The following CEP250 variants were observed in gnomAD, a reference collection of about 807,000 sequenced individuals.
CEP250 encodes centrosome-associated protein CEP250.
A neutral mutation model predicts 315.7 loss-of-function variants in CEP250; 242 were observed. The observed-to-expected ratio is 0.77, with a 90% CI of 0.69 to 0.85. CEP250 has a LOEUF of 0.85. Among genes scored for constraint, CEP250 ranks in the 40% least tolerant of loss-of-function variants. CEP250 has a pLI of 0.00. For missense variants in CEP250, 2,515 were observed against 2,886.4 expected (o/e 0.87, Z 2.95); for synonymous variants, 1,088 against 1,175.0 (o/e 0.93, Z 1.51).
chr20:35,478,718 T>A (rs1012663173), intron 17 of CEP250, among the ~76,000 whole-genome samples: 5 of 152,244 alleles, frequency 3.3e-5, no homozygotes, highest in African/African-American at 1.2e-4. Flanking sequence ...GTCTCTACCA[T>A]TAGACCAAAA....
At chr20:35,459,879 C>G (rs1253644658) in intron 2 of CEP250, 104 bp from the exon 3 acceptor site, 1 of 152,132 alleles carries the variant, frequency 6.6e-6, no homozygotes, top group East Asian at 1.9e-4. Context: ...TTTGAGACCT[C>G]ATAAACTCCC....
In CEP250 at chr20:35,500,084, G is replaced by T. The variant is rs777371845; in HGVS notation, c.3813G>T (p.Glu1271Asp). 2 of 1,614,118 alleles carry T rather than the reference G, an allele frequency of 1.2e-6. No homozygotes were observed. The highest frequency in any genetic ancestry group is 2.2e-5 in the South Asian group (2 of 91,076). Residue 1271 changes from glutamate (E) to aspartate (D), a missense_variant, in exon 28 of 35, where the codon GAG (glutamate) becomes GAT (aspartate). Physicochemically the swap from Glu to Asp is conservative, Grantham distance 45. Coordinates refer to ENST00000397527, the MANE Select transcript of CEP250 (RefSeq NM_007186.6). The stretch of plus-strand genomic sequence containing the variant: ...GGGATCAGGTCCAGAAACTGGAAGA[G>T]CGTCTAACTGATACTGAGGCTGAGA... ...VLRDQVQKLE[E>D]RLTDTEAEKS...
rs1309991734 is a variant in CEP250 at position 35,502,623 on chromosome 20, T to C, written c.4254T>C (p.Ala1418=). 1 of 1,614,232 alleles carries C rather than the reference T, an allele frequency of 6.2e-7. No homozygotes were observed. The highest frequency in any genetic ancestry group is 2.2e-5 in the East Asian group (1 of 44,890). The change falls in exon 30 of 35, where the codon GCT becomes GCC. Residue 1418 remains alanine (A), a synonymous_variant. Coordinates refer to ENST00000397527, the MANE Select transcript of CEP250 (RefSeq NM_007186.6). ...AACTGAAGGTGGCCCAAGGGAAGGCTCTGCAAGAGAATTTGGCCCTCCTGA... is the reference window on the plus strand; with the variant it reads ...AACTGAAGGTGGCCCAAGGGAAGGCCCTGCAAGAGAATTTGGCCCTCCTGA... ...QGELKVAQGK[A]LQENLALLTQ...
rs1028455164 is a variant in CEP250, at chr20:35,518,055, A to C, written c.*6429A>C. On this transcript the variant is annotated 3_prime_UTR_variant, in exon 35 of 35. Coordinates refer to ENST00000397527, the MANE Select transcript of CEP250 (RefSeq NM_007186.6). ...AGAGCAAGACTGTCTCAAAAAAAAA[A>C]AAAAAGGAAATTAAATAAAAAGAAG... The C allele has an allele frequency of 6.6e-6, 1 of 151,334 alleles. No homozygotes were observed. Among genetic ancestry groups the C allele is most frequent in the Non-Finnish European group, 1.5e-5 (1 of 67,860 alleles). 9.4% of individuals were successfully genotyped at this position (151,334 alleles called of 1,614,324 possible). A position where few individuals can be genotyped will look rare whatever the true frequency, so the allele number is the denominator to read the frequency against.
At chr20:35,471,487 A>G (rs1419774412) in intron 10 of CEP250, among the ~76,000 whole-genome samples, 2 of 152,234 alleles carry the variant, frequency 1.3e-5, no homozygotes, top group Non-Finnish European at 2.9e-5. Context: ...CAAATAAAAC[A>G]TAGTTGCAAG....
chr20:35,456,786 C>CTTTT (rs3838370), intron 1 of CEP250, among the ~76,000 whole-genome samples: 1 of 141,364 alleles, frequency 7.1e-6, no homozygotes, highest in Non-Finnish European at 1.5e-5. Context: ...CCTCCCCCCA[C>CTTTT]TTTTTTTTTT....
In CEP250 at chr20:35,462,384, C is replaced by G; in HGVS notation, c.17C>G (p.Pro6Arg). 6.3e-7 allele frequency: 1 copy of G among 1,590,244 alleles called. No individual in the cohort carries two copies. The highest frequency in any genetic ancestry group is 8.6e-7 in the Non-Finnish European group (1 of 1,167,720). The change falls in exon 4 of 35, where the codon CCT (proline) becomes CGT (arginine). Residue 6 changes from proline (P) to arginine (R), a missense_variant. Coordinates refer to ENST00000397527, the MANE Select transcript of CEP250 (RefSeq NM_007186.6). Reference protein sequence around the residue: METRSPGLNNMKPQSL... With the variant: METRSRGLNNMKPQSL... ...GGTGCCCTCATGGAGACAAGAAGCC[C>G]TGGGTTGAACAACATGAAGCCCCAG...
chr20:35,494,437 C>T (rs2063780047), intron 23 of CEP250, 87 bp from the exon 24 acceptor site: 11 of 1,556,766 alleles, frequency 7.1e-6, no homozygotes, highest in Admixed American at 3.7e-5. Flanking sequence ...TGGTAAACCT[C>T]GAAGGACCCT....
chr20:35,511,564 A>G lies in CEP250; in HGVS notation c.7267A>G (p.Thr2423Ala), dbSNP rs1216479747. ...RLDESLTQSL[T>A]SPGPVLLHPS... is the part of the protein sequence containing the mutation. The stretch of plus-strand genomic sequence containing the variant: ...GGATGAGTCCCTGACTCAAAGTCTG[A>G]CATCCCCAGGGCCAGTCCTGCTACA... Residue 2423 changes from threonine to alanine, a missense_variant, in exon 35 of 35, where the codon ACA becomes GCA. Physicochemically the swap from Thr to Ala is moderately conservative, Grantham distance 58. Transcript: ENST00000397527. 1.2e-6 allele frequency: 2 copies of G among 1,613,742 alleles called. No homozygotes were observed. Among genetic ancestry groups the G allele is most frequent in the Admixed American group, 3.3e-5 (2 of 59,992 alleles).
In CEP250 at chr20:35,509,569, G is replaced by A. The variant is rs553454574; in HGVS notation, c.7009-429G>A. Among the ~76,000 whole-genome samples the A allele has an allele frequency of 6.0e-4, 92 of 152,356 alleles. 7 individuals carry two copies. In the South Asian group the frequency reaches 0.019, roughly 31 times the overall value. ...CCCTGCCAACAGACACAGGCTTGCA[G>A]CCTGACAGGGAGGCGCTGTTTATGG... On this transcript the variant is annotated intron_variant, in intron 33 of 34. Transcript: ENST00000397527.
intron 14 of CEP250, among the ~76,000 whole-genome samples, chr20:35,475,209 C>G (rs4911502): frequency 6.6e-6 from 1 of 151,966 alleles, no homozygotes; most frequent in Non-Finnish European, 1.5e-5. Context: ...TCCCTTCCCC[C>G]TTTAGGCAAC....
intron 11 of CEP250, among the ~76,000 whole-genome samples, chr20:35,472,451 C>A (rs571193907): frequency 4.6e-5 from 7 of 152,142 alleles, no homozygotes; most frequent in African/African-American, 1.4e-4. Context: ...TTTATTGTTA[C>A]CTCAGACAGT....
chr20:35,471,965 T>G, intron 10 of CEP250, 85 bp from the exon 11 acceptor site: 33 of 803,646 alleles, frequency 4.1e-5, no homozygotes, highest in Non-Finnish European at 7.0e-5. Context: ...ATAGACAGAA[T>G]GAGACTTTGG....
intron 22 of CEP250, among the ~76,000 whole-genome samples, chr20:35,492,938 G>A (rs2063738231): frequency 6.6e-6 from 1 of 152,118 alleles, no homozygotes; most frequent in African/African-American, 2.4e-5. Context: ...ATGTTGGCCA[G>A]GGTCGTCTCA....
At chr20:35,463,823 T>A (rs1568755393) in intron 5 of CEP250, among the ~76,000 whole-genome samples, 192 bp downstream of exon 5, 1 of 152,222 alleles carries the variant, frequency 6.6e-6, no homozygotes, top group Non-Finnish European at 1.5e-5. Context: ...TTCCAACCCT[T>A]GGTTTTCAAA....
chr20:35,506,190 G>GGAAT (rs1436686983), intron 30 of CEP250, among the ~76,000 whole-genome samples: 1 of 152,140 alleles, frequency 6.6e-6, no homozygotes, highest in African/African-American at 2.4e-5. Context: ...AAAGAGGAGT[G>GGAAT]GAATGAATGA....
chr20:35,478,188 AGTG>A, intron 17 of CEP250, 87 bp downstream of exon 17: 2 of 889,726 alleles, frequency 2.2e-6, no homozygotes, highest in Admixed American at 5.4e-5. Flanking sequence ...TTATCTGGAA[AGTG>A]AAAAAGTCTT....
intron 11 of CEP250, among the ~76,000 whole-genome samples, chr20:35,472,430 T>G (rs889507879): frequency 1.1e-4 from 16 of 152,236 alleles, no homozygotes; most frequent in African/African-American, 3.4e-4. Flanking sequence ...GTTTCTTCTT[T>G]CATTTCCTCA....
chr20:35,475,001 A>T, intron 14 of CEP250: 1 of 373,946 alleles, frequency 2.7e-6, no homozygotes, highest in Non-Finnish European at 5.4e-6. Flanking sequence ...GCTAAGAATG[A>T]TCTCCCTGTA....
Sources: gnomAD v4.1 joint callset for allele counts (sites outside exome capture counted in the v4.1 genomes callset) on GRCh38, gnomAD v4.1.1 for gene constraint, MANE v1.5 for transcripts, NCBI Gene and HGNC (gene_info 2026-07-23, HGNC 2026-07-21) for gene names.